REEP1: variants seen among roughly 807,000 people sequenced by gnomAD.
The protein encoded by REEP1 is receptor expression-enhancing protein 1.
Under a neutral mutation model 40.3 loss-of-function variants are expected in REEP1, and 22 were observed. That is an observed-to-expected ratio of 0.55 (90% CI 0.39 to 0.78). The LOEUF (loss-of-function observed/expected upper bound fraction) is 0.78, where lower values mean the gene tolerates loss of function less well. Among genes scored for constraint, REEP1 ranks in the 30% least tolerant of loss-of-function variants. The pLI, the probability that REEP1 is intolerant of heterozygous loss-of-function variation, is 0.00. For missense variants in REEP1, 280 were observed against 361.1 expected (o/e 0.78, Z 1.82); for synonymous variants, 116 against 139.2 (o/e 0.83, Z 1.17).
At chr2:86,281,075 T>C (rs576009332) in intron 2 of REEP1, among the ~76,000 whole-genome samples, 1 of 152,224 alleles carries the variant, frequency 6.6e-6, no homozygotes, top group South Asian at 2.1e-4. Context: ...CCAACCTCGG[T>C]CTTCTGATGC....
chr2:86,294,868 C>G (rs1678900330), intron 1 of REEP1, among the ~76,000 whole-genome samples: 1 of 152,076 alleles, frequency 6.6e-6, no homozygotes. Context: ...CTGGGTTTGT[C>G]TGGCAGCAGA....
rs2104051062 is a variant in REEP1, at chr2:86,232,622, T to C, written c.595+3A>G. ...GAAAGAGGGGAAGTAAAGTGACACC[T>C]ACCTGAGCTGCTAGCGCTCTCAGAA... On this transcript the variant is annotated splice_donor_region_variant and intron_variant, in intron 6 of 8. Coordinates refer to ENST00000538924, the MANE Select transcript of REEP1 (RefSeq NM_001371279.1). The C allele has an allele frequency of 3.1e-6, 5 of 1,612,490 alleles. No individual in the cohort carries two copies. The East Asian group carries it at 8.9e-5, about 29-fold the overall frequency.
intron 6 of REEP1, among the ~76,000 whole-genome samples, chr2:86,230,394 C>T (rs933125256): frequency 6.6e-6 from 1 of 152,272 alleles, no homozygotes; most frequent in Non-Finnish European, 1.5e-5. Flanking sequence ...TGCACAACCT[C>T]TCTGAGCCTG....
intron 3 of REEP1, among the ~76,000 whole-genome samples, chr2:86,260,500 G>A (rs557381662): frequency 2.6e-5 from 4 of 152,308 alleles, no homozygotes; most frequent in African/African-American, 7.2e-5. Flanking sequence ...CTGATCAGAC[G>A]ACTTTAAGAC....
At chr2:86,235,076 T>G (rs1675241583) in intron 5 of REEP1, among the ~76,000 whole-genome samples, 1 of 152,256 alleles carries the variant, frequency 6.6e-6, no homozygotes, top group Non-Finnish European at 1.5e-5. Flanking sequence ...CTCTCATTTC[T>G]TCGTTTACTT....
intron 8 of REEP1, among the ~76,000 whole-genome samples, chr2:86,219,097 C>T (rs776494714): frequency 4.6e-5 from 7 of 152,198 alleles, no homozygotes; most frequent in Non-Finnish European, 7.3e-5. Context: ...AGGCTCAGCC[C>T]TCCTGCTGCC....
intron 1 of REEP1, among the ~76,000 whole-genome samples, chr2:86,303,365 C>T (rs1216162919): frequency 6.6e-6 from 1 of 151,876 alleles, no homozygotes; most frequent in Non-Finnish European, 1.5e-5. Context: ...TACAGGCCTG[C>T]ATCACCAGCC....
At chr2:86,296,845 GA>G (rs1679008017) in intron 1 of REEP1, among the ~76,000 whole-genome samples, 2 of 152,102 alleles carry the variant, frequency 1.3e-5, no homozygotes, top group African/African-American at 4.8e-5. Context: ...CAACAAGAGT[GA>G]AACTCCGTCT....
chr2:86,276,031 A>T (rs547999925), intron 2 of REEP1, among the ~76,000 whole-genome samples: 1 of 152,230 alleles, frequency 6.6e-6, no homozygotes, highest in Non-Finnish European at 1.5e-5. Context: ...TGAGATGGCC[A>T]GGTCTGTGGA....
chr2:86,336,677 A>T (rs1267317602), intron 1 of REEP1: 1 of 152,436 alleles, frequency 6.6e-6, no homozygotes, highest in African/African-American at 2.4e-5. Context: ...TGAAGGAGAA[A>T]ATCGGCCCCC....
chr2:86,233,927 A>G (rs1426609171), intron 5 of REEP1, among the ~76,000 whole-genome samples: 7 of 152,136 alleles, frequency 4.6e-5, no homozygotes, highest in Admixed American at 2.0e-4. Flanking sequence ...TGCACAACAG[A>G]CATAACAGAA....
intron 2 of REEP1, among the ~76,000 whole-genome samples, chr2:86,276,310 C>T (rs1044675434): frequency 2.1e-4 from 32 of 152,154 alleles, no homozygotes; most frequent in African/African-American, 7.2e-4. Context: ...ATGGAGTGGG[C>T]GGCATAGGGT....
chr2:86,269,093 T>C (rs991719067), intron 2 of REEP1, among the ~76,000 whole-genome samples: 13 of 152,196 alleles, frequency 8.5e-5, no homozygotes, highest in Non-Finnish European at 1.6e-4. Flanking sequence ...AGTTTTTGGA[T>C]ACAACATCAA....
intron 1 of REEP1, among the ~76,000 whole-genome samples, chr2:86,298,733 C>T (rs1679115742): frequency 6.6e-6 from 1 of 152,214 alleles, no homozygotes; most frequent in Admixed American, 6.5e-5. Context: ...TGTTATGGGG[C>T]CAGCAGAATA....
At chr2:86,295,043 A>AAAAG (rs1678911566) in intron 1 of REEP1, among the ~76,000 whole-genome samples, 2 of 152,158 alleles carry the variant, frequency 1.3e-5, no homozygotes, top group South Asian at 2.1e-4. Flanking sequence ...TATTTTAAAA[A>AAAAG]AAAAGAAAAG....
intron 1 of REEP1, among the ~76,000 whole-genome samples, chr2:86,295,888 A>C (rs1349138227): frequency 2.0e-5 from 3 of 152,218 alleles, no homozygotes; most frequent in Non-Finnish European, 4.4e-5. Flanking sequence ...ACTACCACAG[A>C]ATGAGAATTC....
intron 1 of REEP1, chr2:86,297,611 G>A: frequency 2.7e-6 from 2 of 745,312 alleles, no homozygotes; most frequent in South Asian, 1.2e-4. Flanking sequence ...ACCAAGAACA[G>A]CCACTACCTG....
At chr2:86,259,328 C>T (rs1222967515) in intron 3 of REEP1, among the ~76,000 whole-genome samples, 1 of 151,898 alleles carries the variant, frequency 6.6e-6, no homozygotes, top group Non-Finnish European at 1.5e-5. Context: ...GAGACACTTA[C>T]TCTTCAGTGT....
intron 1 of REEP1, among the ~76,000 whole-genome samples, chr2:86,308,000 T>A (rs1343456105): frequency 2.0e-5 from 3 of 152,188 alleles, no homozygotes; most frequent in Non-Finnish European, 4.4e-5. Flanking sequence ...TTAAAAAACA[T>A]GTCTTAAAAT....
Sources: gnomAD v4.1 joint callset for allele counts (sites outside exome capture counted in the v4.1 genomes callset) on GRCh38, gnomAD v4.1.1 for gene constraint, MANE v1.5 for transcripts, NCBI Gene and HGNC (gene_info 2026-07-23, HGNC 2026-07-21) for gene names.